The following COPS3 variants were observed in gnomAD, a reference collection of about 807,000 sequenced individuals.
The protein encoded by COPS3 is COP9 signalosome complex subunit 3.
In COPS3, 10 loss-of-function variants were observed where a neutral mutation model predicts 58.2. The observed-to-expected ratio is 0.17, with a 90% CI of 0.11 to 0.29. COPS3 has a LOEUF of 0.29. Ranked by LOEUF, COPS3 falls within the 10% of genes least tolerant of loss-of-function variation. The pLI is 1.00. For missense variants in COPS3, 333 were observed against 510.1 expected, an observed-to-expected ratio of 0.65 and a Z score of 3.34; for synonymous variants, 187 against 181.7, an observed-to-expected ratio of 1.03 and a Z score of -0.24.
chr17:17,265,619 G>A (rs867866304), intron 5 of COPS3, among the ~76,000 whole-genome samples: 2 of 152,130 alleles, frequency 1.3e-5, no homozygotes, highest in South Asian at 2.1e-4. Context: ...GGCTGGTCTC[G>A]AACTCCTGAC....
chr17:17,249,207 A>G (rs2047786824), intron 9 of COPS3, among the ~76,000 whole-genome samples, 168 bp from the exon 10 acceptor site: 1 of 152,188 alleles, frequency 6.6e-6, no homozygotes, highest in Non-Finnish European at 1.5e-5. Flanking sequence ...AATACCTACT[A>G]TTTGCTAGGC....
intron 2 of COPS3, among the ~76,000 whole-genome samples, chr17:17,274,051 A>C (rs567753941): frequency 1.3e-5 from 2 of 152,340 alleles, no homozygotes; most frequent in African/African-American, 4.8e-5. Flanking sequence ...TTATACACAC[A>C]TAAACTCACA....
At position 17,249,038 on chromosome 17, in the gene COPS3, A is replaced by G; in HGVS notation, c.1025T>C (p.Ile342Thr). Residue 342 changes from isoleucine (I) to threonine (T), a missense_variant and splice_region_variant, in exon 10 of 12, where the codon ATA becomes ACA. Coordinates refer to ENST00000268717, the MANE Select transcript of COPS3 (RefSeq NM_003653.4). Reference sequence around the variant, plus strand: ...ACTTGCAAAAATCTCACCATCTTCTATCTGCAGAAAGAAAAAAAAAAAAAT... The same window carrying G: ...ACTTGCAAAAATCTCACCATCTTCTGTCTGCAGAAAGAAAAAAAAAAAAAT... ...QEAEKYVLHM[I>T]EDGEIFASIN... The G allele has an allele frequency of 6.4e-7, 1 of 1,559,190 alleles. No homozygotes were observed. The highest frequency in any genetic ancestry group is 8.7e-7 in the Non-Finnish European group (1 of 1,146,552).
chr17:17,254,554 A>G (rs530600819), intron 9 of COPS3, among the ~76,000 whole-genome samples: 237 of 152,166 alleles, frequency 1.6e-3, no homozygotes, highest in African/African-American at 5.5e-3. Context: ...GCTCATGCCT[A>G]TAATCCCAGC....
intron 5 of COPS3, among the ~76,000 whole-genome samples, chr17:17,267,001 C>T (rs781479337): frequency 1.2e-4 from 18 of 150,500 alleles, no homozygotes; most frequent in Non-Finnish European, 2.7e-4. Context: ...AACCACTGCA[C>T]CTGGCAGGCT....
chr17:17,259,604 G>A (rs774266550), intron 8 of COPS3, among the ~76,000 whole-genome samples: 5 of 152,168 alleles, frequency 3.3e-5, no homozygotes, highest in Non-Finnish European at 7.3e-5. Context: ...CACATAAGGT[G>A]TTCTCATTGG....
chr17:17,279,367 C>T (rs1386758212), intron 1 of COPS3, among the ~76,000 whole-genome samples: 9 of 152,020 alleles, frequency 5.9e-5, no homozygotes, highest in Admixed American at 3.9e-4. Context: ...AAGAAGTGAC[C>T]GCGACAGGAT....
In COPS3 at chr17:17,264,931, C is replaced by T. The variant is rs1418871787; in HGVS notation, c.492G>A (p.Val164=). 1 of 1,613,356 alleles carries T rather than the reference C, an allele frequency of 6.2e-7. No individual in the cohort carries two copies. Among genetic ancestry groups the T allele is most frequent in the African/African-American group, 1.3e-5 (1 of 74,870 alleles). ...CFKPALPYLD[V]DMMDICKENG... ...TCTCTTTACAGATATCCATCATATC[C>T]ACGTCAAGATATGGAAGGGCAGGCT... The change falls in exon 6 of 12, where the codon GTG becomes GTA. Residue 164 remains valine (V), a synonymous_variant. Transcript: ENST00000268717.
At chr17:17,260,053 A>G (rs989246951) in intron 8 of COPS3, among the ~76,000 whole-genome samples, 1 of 152,122 alleles carries the variant, frequency 6.6e-6, no homozygotes, top group African/African-American at 2.4e-5. Flanking sequence ...CTGTCTCCCA[A>G]TGTAGCCTTG....
At chr17:17,262,233 C>T (rs898331265) in intron 6 of COPS3, 127 bp from the exon 7 acceptor site, 5 of 849,150 alleles carry the variant, frequency 5.9e-6, no homozygotes, top group Non-Finnish European at 8.9e-6. Context: ...TTTATAACAG[C>T]CTTATTGAGA....
At chr17:17,279,527 A>G (rs2048531379) in intron 1 of COPS3, among the ~76,000 whole-genome samples, 1 of 152,198 alleles carries the variant, frequency 6.6e-6, no homozygotes, top group African/African-American at 2.4e-5. Flanking sequence ...ATAAAAAGGA[A>G]AAAGAGGAAG....
intron 1 of COPS3, chr17:17,280,505 A>G: frequency 1.7e-6 from 2 of 1,166,682 alleles, no homozygotes; most frequent in South Asian, 1.5e-5. Context: ...GGTTGCAGTG[A>G]GCCGAGATCG....
At position 17,262,042 on chromosome 17, in the gene COPS3, A is replaced by G; in HGVS notation, c.686T>C (p.Leu229Ser). 1 of 1,610,996 alleles carries G rather than the reference A, an allele frequency of 6.2e-7. No homozygotes were observed. The highest frequency in any genetic ancestry group is 8.5e-7 in the Non-Finnish European group (1 of 1,178,186). The change falls in exon 7 of 12, where the codon TTA (leucine) becomes TCA (serine). Residue 229 changes from leucine (L) to serine (S), a missense_variant. Leu to Ser is a moderately radical substitution (Grantham distance 145, BLOSUM62 -2). Transcript: ENST00000268717. ...IMLESYKKYI[L>S]VSLILLGKVQ... ...TTTGCCAAGTAATATCAAAGACACT[A>G]AAATATACTTTTTATATGATTCCAA...
intron 8 of COPS3, among the ~76,000 whole-genome samples, chr17:17,255,796 C>T (rs1043392286): frequency 2.0e-5 from 3 of 150,518 alleles, no homozygotes; most frequent in South Asian, 2.1e-4. Context: ...GCCGAGATCG[C>T]GTGATTCACT....
chr17:17,259,482 T>C (rs2048046482), intron 8 of COPS3, among the ~76,000 whole-genome samples: 1 of 152,198 alleles, frequency 6.6e-6, no homozygotes, highest in Non-Finnish European at 1.5e-5. Flanking sequence ...TAGAATTGGC[T>C]TACATCCTAG....
At chr17:17,275,044 T>C (rs1431469753) in intron 2 of COPS3, among the ~76,000 whole-genome samples, 1 of 151,828 alleles carries the variant, frequency 6.6e-6, no homozygotes, top group Non-Finnish European at 1.5e-5. Context: ...CCCATAGCTC[T>C]CACTCTTGGC....
chr17:17,250,547 GA>G (rs2047821103), intron 9 of COPS3, among the ~76,000 whole-genome samples: 1 of 152,136 alleles, frequency 6.6e-6, no homozygotes, highest in African/African-American at 2.4e-5. Flanking sequence ...GATTCTTCAA[GA>G]AAACTTTACT....
chr17:17,253,200 T>C (rs2145193772), intron 9 of COPS3, among the ~76,000 whole-genome samples: 1 of 152,292 alleles, frequency 6.6e-6, no homozygotes, highest in East Asian at 1.9e-4. Flanking sequence ...CACTCCAGCC[T>C]GGGCAACACA....
rs1364382400 is a variant in COPS3, at chr17:17,247,249, C to G, written c.1219-98G>C. 28 of 1,205,072 alleles carry G rather than the reference C, an allele frequency of 2.3e-5. No individual in the cohort carries two copies. In the Admixed American group the frequency reaches 4.7e-4, roughly 20 times the overall value. 74.6% of individuals were successfully genotyped at this position (1,205,072 alleles called of 1,614,324 possible). A position where few individuals can be genotyped will look rare whatever the true frequency, so the allele number is the denominator to read the frequency against. On this transcript the variant is annotated intron_variant, in intron 11 of 11. Transcript: ENST00000268717. Reference sequence around the variant, plus strand: ...ACCAGTTGCCCTGTCCCTCCCAGAACAAAGCCCCCTGTGAACAAGGGCAGG... The same window carrying G: ...ACCAGTTGCCCTGTCCCTCCCAGAAGAAAGCCCCCTGTGAACAAGGGCAGG...
Sources: gnomAD v4.1 joint callset for allele counts (sites outside exome capture counted in the v4.1 genomes callset) on GRCh38, gnomAD v4.1.1 for gene constraint, MANE v1.5 for transcripts, NCBI Gene and HGNC (gene_info 2026-07-23, HGNC 2026-07-21) for gene names.